Variants in MAPK10 observed in about 807,000 individuals in gnomAD.
MAPK10 encodes JNK3 alpha protein kinase.
A neutral mutation model predicts 59.3 loss-of-function variants in MAPK10; 25 were observed. The ratio of observed to expected loss-of-function variants is 0.42; its 90% CI spans 0.31 to 0.59. The LOEUF (loss-of-function observed/expected upper bound fraction) is 0.59, where lower values mean the gene tolerates loss of function less well. Among genes scored for constraint, MAPK10 ranks in the 20% least tolerant of loss-of-function variants. MAPK10 has a pLI of 0.15. For missense variants in MAPK10, 351 were observed against 568.9 expected (o/e 0.62, Z 3.90); for synonymous variants, 190 against 200.5 (o/e 0.95, Z 0.44).
chr4:86,029,109 AATGTT>A (rs758072765), intron 13 of MAPK10, 83 bp downstream of exon 13: 8 of 831,620 alleles, frequency 9.6e-6, no homozygotes, highest in Non-Finnish European at 1.3e-5. Flanking sequence ...CTCTTTAAGC[AATGTT>A]ATGTTATTTC....
At chr4:86,397,594 T>C (rs1315585588) in intron 1 of MAPK10, among the ~76,000 whole-genome samples, 1 of 152,104 alleles carries the variant, frequency 6.6e-6, no homozygotes, top group Admixed American at 6.5e-5. Context: ...GCTTGTTAAC[T>C]TCCCCTGGGC....
chr4:86,204,749 T>C (rs2083428564), intron 2 of MAPK10, among the ~76,000 whole-genome samples: 2 of 151,992 alleles, frequency 1.3e-5, no homozygotes, highest in East Asian at 3.9e-4. Context: ...AGAAATTGTA[T>C]CACAGGAATT....
chr4:86,418,157 T>C (rs1015929087), intron 1 of MAPK10, among the ~76,000 whole-genome samples: 1 of 152,208 alleles, frequency 6.6e-6, no homozygotes, highest in Admixed American at 6.6e-5. Flanking sequence ...AGTACGAACA[T>C]TAAAGGCACA....
At chr4:86,302,013 A>AT in intron 2 of MAPK10, among the ~76,000 whole-genome samples, 1 of 150,716 alleles carries the variant, frequency 6.6e-6, no homozygotes, top group East Asian at 2.0e-4. Context: ...AACAATCAAT[A>AT]TATGAACATT....
chr4:86,495,405 A>G (rs969876314), intron 1 of MAPK10, among the ~76,000 whole-genome samples: 2 of 152,174 alleles, frequency 1.3e-5, no homozygotes, highest in African/African-American at 4.8e-5. Flanking sequence ...CCTTCCCTTG[A>G]GACTATTTTG....
At chr4:86,364,978 T>C (rs1278638343), upstream of MAPK10, among the ~76,000 whole-genome samples, 2 of 152,084 alleles carry the variant, frequency 1.3e-5, no homozygotes, top group Non-Finnish European at 2.9e-5. Context: ...ACCAAATAAA[T>C]GTTTTCAATG....
At chr4:86,547,396 T>C (rs115660667) in intron 1 of MAPK10, among the ~76,000 whole-genome samples, 7,136 of 152,264 alleles carry the variant, frequency 0.047, 222 homozygotes, top group African/African-American at 0.059. Flanking sequence ...CTCCCAGCAG[T>C]CGGCCGGCCC....
rs572834076 is a variant in MAPK10 at position 86,067,875 on chromosome 4, T to G, written c.883A>C (p.Arg295=). Residue 295 remains arginine (R), a synonymous_variant, in exon 10 of 14, where the codon AGA becomes CGA. Coordinates refer to ENST00000641462, the MANE Select transcript of MAPK10 (RefSeq NM_138982.4). ...TTGGGCCGATTCTCCACATAGTTTC[T>G]TACTGTGGGTTGCAATTTCTTCATG... The part of the protein sequence containing the change: ...EFMKKLQPTV[R]NYVENRPKYA... 20 of 1,613,796 alleles carry G rather than the reference T, an allele frequency of 1.2e-5. No individual in the cohort carries two copies. In the African/African-American group the frequency reaches 1.7e-4, roughly 14 times the overall value.
Position 86,168,699 on chromosome 4 carries a change from G to C in MAPK10, c.67-9232C>G, listed in dbSNP as rs577814795. Reference sequence around the variant, plus strand: ...TTAAATGTCCCTGTCTGACAGCTTTGAAGAGAGCAGTGGTTCTCCCAGCAC... The same window carrying C: ...TTAAATGTCCCTGTCTGACAGCTTTCAAGAGAGCAGTGGTTCTCCCAGCAC... On this transcript the variant is annotated intron_variant, in intron 3 of 13. Coordinates refer to ENST00000641462, the MANE Select transcript of MAPK10 (RefSeq NM_138982.4). 3.1e-4 allele frequency among the ~76,000 whole-genome samples: 47 copies of C among 152,242 alleles called. 1 individual carries two copies. The East Asian group carries it at 8.4e-3, about 27-fold the overall frequency.
At chr4:86,166,158 A>G (rs995937623) in intron 3 of MAPK10, among the ~76,000 whole-genome samples, 1 of 152,226 alleles carries the variant, frequency 6.6e-6, no homozygotes, top group Non-Finnish European at 1.5e-5. Flanking sequence ...GATGTCTAAC[A>G]AATTATTTCG....
chr4:86,169,609 G>C (rs984703603), intron 3 of MAPK10, among the ~76,000 whole-genome samples: 15 of 152,128 alleles, frequency 9.9e-5, no homozygotes, highest in African/African-American at 3.4e-4. Context: ...GAAAGTGACT[G>C]GGAGAATGGA....
chr4:86,190,536 G>A (rs192838247), intron 3 of MAPK10, among the ~76,000 whole-genome samples: 45 of 152,276 alleles, frequency 3.0e-4, no homozygotes, highest in Non-Finnish European at 6.0e-4. Context: ...TTTGCATAGA[G>A]GTGTTTATAG....
chr4:86,355,095 G>A lies in MAPK10; in HGVS notation c.-121-451C>T, dbSNP rs185437984. The stretch of plus-strand genomic sequence containing the variant: ...AGTATGCAAAAGAAAGTAAACCTAA[G>A]CTGGAGCTCATCTGAAGAGACCTGT... On this transcript the variant is annotated intron_variant, in intron 1 of 13. Coordinates refer to ENST00000641462, the MANE Select transcript of MAPK10 (RefSeq NM_138982.4). Among the ~76,000 whole-genome samples the A allele has an allele frequency of 3.9e-5, 6 of 152,208 alleles. No individual in the cohort carries two copies. The East Asian group carries it at 1.2e-3, about 29-fold the overall frequency.
intron 1 of MAPK10, among the ~76,000 whole-genome samples, chr4:86,434,512 T>C (rs908466739): frequency 3.3e-5 from 5 of 152,076 alleles, no homozygotes; most frequent in African/African-American, 4.8e-5. Flanking sequence ...CAAAAGAAGG[T>C]ATACAAATGG....
At chr4:86,083,403 A>C (rs902911954) in intron 9 of MAPK10, among the ~76,000 whole-genome samples, 4 of 152,142 alleles carry the variant, frequency 2.6e-5, no homozygotes, top group Admixed American at 2.6e-4. Flanking sequence ...AGCATTTGTG[A>C]GGAAATGAAC....
intron 4 of MAPK10, among the ~76,000 whole-genome samples, chr4:86,117,374 C>T (rs1479386488): frequency 3.3e-5 from 5 of 152,232 alleles, no homozygotes; most frequent in South Asian, 4.1e-4. Flanking sequence ...GTGATCACTA[C>T]ACCCTGTCTT....
At chr4:86,527,165 T>C (rs945349900) in intron 1 of MAPK10, among the ~76,000 whole-genome samples, 2 of 151,056 alleles carry the variant, frequency 1.3e-5, no homozygotes, top group Non-Finnish European at 3.0e-5. Context: ...AAAATAAAAG[T>C]TAGCCAGGCA....
chr4:86,106,226 T>C (rs1259962165), intron 5 of MAPK10, among the ~76,000 whole-genome samples: 1 of 152,090 alleles, frequency 6.6e-6, no homozygotes, highest in Non-Finnish European at 1.5e-5. Flanking sequence ...CACATTTGTG[T>C]CTTCTCAGTG....
intron 2 of MAPK10, among the ~76,000 whole-genome samples, chr4:86,256,149 T>C (rs1351197056): frequency 6.6e-6 from 1 of 152,128 alleles, no homozygotes; most frequent in African/African-American, 2.4e-5. Context: ...CACAAGTAAT[T>C]TTTATTGTAT....
Sources: allele counts gnomAD v4.1 joint callset (sites outside exome capture counted in the v4.1 genomes callset), GRCh38; gene constraint gnomAD v4.1.1; transcripts MANE v1.5; gene names NCBI Gene and HGNC (gene_info 2026-07-23, HGNC 2026-07-21).